The following THADA variants were observed in gnomAD, a reference collection of about 807,000 sequenced individuals.
THADA encodes the protein tRNA (32-2'-O)-methyltransferase regulator THADA.
In THADA, 213 loss-of-function variants were observed where a neutral mutation model predicts 219.8. The ratio of observed to expected loss-of-function variants is 0.97; its 90% CI spans 0.87 to 1.09. THADA has a LOEUF of 1.09. Ranked by LOEUF, THADA falls within the 50% of genes least tolerant of loss-of-function variation. The pLI is 0.00. For missense variants in THADA, 2,956 were observed against 2,311.3 expected, an observed-to-expected ratio of 1.28 and a Z score of -5.72; for synonymous variants, 1,018 against 828.9, an observed-to-expected ratio of 1.23 and a Z score of -3.92.
chr2:43,272,498 ATGAT>A (rs1371056363), intron 36 of THADA, among the ~76,000 whole-genome samples: 2 of 152,174 alleles, frequency 1.3e-5, no homozygotes, highest in African/African-American at 4.8e-5. Context: ...GAACAAGTGA[ATGAT>A]TGAATACCCT....
At chr2:43,331,076 T>C (rs1192996934) in intron 30 of THADA, among the ~76,000 whole-genome samples, 1 of 152,202 alleles carries the variant, frequency 6.6e-6, no homozygotes, top group Non-Finnish European at 1.5e-5. Context: ...CAGGTGGGTC[T>C]CCGGGCCCCC....
In THADA at chr2:43,397,843, G is replaced by GA. The variant is rs899836329; in HGVS notation, c.4227+127dup. 9.9e-3 allele frequency: 8,256 copies of GA among 837,788 alleles called. 13 individuals are homozygous for GA. The highest frequency in any genetic ancestry group is 0.011 in the Non-Finnish European group (6,091 of 559,884). 51.9% of individuals were successfully genotyped at this position (837,788 alleles called of 1,614,324 possible). A position where few individuals can be genotyped will look rare whatever the true frequency, so the allele number is the denominator to read the frequency against. On this transcript the variant is annotated intron_variant, in intron 29 of 37. Transcript: ENST00000405975. ...GGAGATACCTGATCTTTCGGAAGTA[G>GA]AAAAAAAAAAGTTCTACAGATAAAG... is the stretch of plus-strand genomic sequence containing the variant.
chr2:43,451,588 T>A (rs768489355), intron 26 of THADA, among the ~76,000 whole-genome samples: 1 of 152,198 alleles, frequency 6.6e-6, no homozygotes, highest in Non-Finnish European at 1.5e-5. Flanking sequence ...TAGTAAATAT[T>A]TGCTATCTTC....
intron 26 of THADA, among the ~76,000 whole-genome samples, chr2:43,470,982 G>C (rs549390621): frequency 3.3e-4 from 50 of 152,290 alleles, no homozygotes; most frequent in Non-Finnish European, 6.0e-4. Context: ...AGGGACAAAA[G>C]ACTGACCGTA....
At position 43,411,930 on chromosome 2, in the gene THADA, T is replaced by C. The variant is rs530476476; in HGVS notation, c.4059-13791A>G. ...GTATATTAATTTCATGGTGATTGTG[T>C]TTTAAGATGGGAAACATGTCAGTAA... On this transcript the variant is annotated intron_variant, in intron 28 of 37. Transcript: ENST00000405975. Among the ~76,000 whole-genome samples, 50 of 152,278 alleles carry C rather than the reference T, an allele frequency of 3.3e-4. No individual in the cohort carries two copies. The Middle Eastern group carries it at 0.01, about 31-fold the overall frequency.
chr2:43,385,538 C>G (rs560071958), intron 29 of THADA, among the ~76,000 whole-genome samples: 2 of 139,486 alleles, frequency 1.4e-5, no homozygotes, highest in African/African-American at 5.4e-5. Context: ...ACCCGGAAGG[C>G]GGAGCTTGCC....
intron 36 of THADA, among the ~76,000 whole-genome samples, chr2:43,253,491 G>T (rs527561928): frequency 6.6e-6 from 1 of 151,920 alleles, no homozygotes; most frequent in Non-Finnish European, 1.5e-5. Flanking sequence ...AATCCTCATC[G>T]TCCTTAACCT....
intron 36 of THADA, among the ~76,000 whole-genome samples, chr2:43,267,104 G>A (rs1459851200): frequency 2.6e-5 from 4 of 152,182 alleles, no homozygotes; most frequent in African/African-American, 4.8e-5. Context: ...TGGGTGATGT[G>A]TGTGGTCCTA....
chr2:43,594,584 C>CAAATAAAT lies in THADA; in HGVS notation c.-25+1339_-25+1346dup, dbSNP rs34191249. Among the ~76,000 whole-genome samples the CAAATAAAT allele has an allele frequency of 1.5e-3, 220 of 149,012 alleles. 2 individuals carry two copies. The highest frequency in any genetic ancestry group is 3.9e-3 in the African/African-American group (156 of 40,212). On this transcript the variant is annotated intron_variant, in intron 1 of 37. Coordinates refer to ENST00000405975, the MANE Select transcript of THADA (RefSeq NM_022065.5). ...GGGAGACAAGAGCGAAACTCCATCTCAAATAAATAAATAAATAAATAAATA... is the reference window on the plus strand; with the variant it reads ...GGGAGACAAGAGCGAAACTCCATCTCAAATAAATAAATAAATAAATAAATAAATAAATA...
intron 30 of THADA, among the ~76,000 whole-genome samples, chr2:43,331,788 C>T (rs1573104553): frequency 6.6e-6 from 1 of 152,180 alleles, no homozygotes; most frequent in East Asian, 1.9e-4. Context: ...CCTTGACTAT[C>T]TTAGTCCACA....
rs755661231 is a variant in THADA at position 43,430,277 on chromosome 2, G to A, written c.3862C>T (p.Arg1288Cys). 6.5e-6 allele frequency: 10 copies of A among 1,549,418 alleles called. No individual in the cohort carries two copies. Among genetic ancestry groups the A allele is most frequent in the African/African-American group, 1.4e-5 (1 of 73,056 alleles). The change falls in exon 27 of 38, where the codon CGT becomes TGT. Residue 1288 changes from arginine to cysteine, a missense_variant. Transcript: ENST00000405975. ...NRMTGREFFS[R>C]FPELYPFLLK... ...AGAAAAGGATAGAGTTCTGGGAAAC[G>A]AGAGAAAAACTCTCTCCCTGTCATT...
intron 14 of THADA, among the ~76,000 whole-genome samples, chr2:43,568,455 A>C (rs1698929646): frequency 6.6e-6 from 1 of 152,222 alleles, no homozygotes; most frequent in Non-Finnish European, 1.5e-5. Context: ...TAAAAGCCAC[A>C]GGTGTACCAG....
chr2:43,456,020 G>A (rs1385306807), intron 26 of THADA, among the ~76,000 whole-genome samples: 1 of 152,064 alleles, frequency 6.6e-6, no homozygotes, highest in Admixed American at 6.5e-5. Context: ...AAAAGACTAC[G>A]CTACAGTGCT....
At chr2:43,528,100 T>G in intron 21 of THADA, 112 bp from the exon 22 acceptor site, 10 of 596,138 alleles carry the variant, frequency 1.7e-5, no homozygotes, top group East Asian at 3.1e-5. Context: ...ATTTAGCGCT[T>G]ACCATATGAC....
intron 26 of THADA, among the ~76,000 whole-genome samples, chr2:43,476,805 C>G (rs971741905): frequency 6.6e-6 from 1 of 152,120 alleles, no homozygotes; most frequent in African/African-American, 2.4e-5. Flanking sequence ...GTATTATAGG[C>G]ACTATCTTCC....
At chr2:43,456,332 T>C (rs1486425838) in intron 26 of THADA, among the ~76,000 whole-genome samples, 1 of 152,166 alleles carries the variant, frequency 6.6e-6, no homozygotes, top group East Asian at 1.9e-4. Flanking sequence ...AATAATAATA[T>C]GCACAGCATT....
intron 26 of THADA, among the ~76,000 whole-genome samples, chr2:43,453,493 T>C (rs538590612): frequency 3.3e-5 from 5 of 152,398 alleles, no homozygotes; most frequent in African/African-American, 1.2e-4. Context: ...TAACTCATTA[T>C]TGCTATTATT....
At chr2:43,460,581 T>C (rs556593912) in intron 26 of THADA, among the ~76,000 whole-genome samples, 9 of 152,232 alleles carry the variant, frequency 5.9e-5, no homozygotes, top group Admixed American at 1.3e-4. Context: ...ATCAAACAAC[T>C]GACAGATATA....
At chr2:43,591,300 G>A (rs1701539520) in intron 3 of THADA, among the ~76,000 whole-genome samples, 1 of 152,192 alleles carries the variant, frequency 6.6e-6, no homozygotes, top group Admixed American at 6.5e-5. Context: ...ACTCCAGCCT[G>A]GGTAAGAGAG....
Sources: allele counts gnomAD v4.1 joint callset (sites outside exome capture counted in the v4.1 genomes callset), GRCh38; gene constraint gnomAD v4.1.1; transcripts MANE v1.5; gene names NCBI Gene and HGNC (gene_info 2026-07-23, HGNC 2026-07-21).